The following BANP variants were observed in gnomAD, a reference collection of about 807,000 sequenced individuals.
The protein encoded by BANP is BTG3 associated nuclear protein.
A neutral mutation model predicts 68.1 loss-of-function variants in BANP; 11 were observed. That is an observed-to-expected ratio of 0.16 (90% CI 0.10 to 0.27). The LOEUF is 0.27. Ranked by LOEUF, BANP falls within the 10% of genes least tolerant of loss-of-function variation. The pLI, the probability that BANP is intolerant of heterozygous loss-of-function variation, is 1.00. For missense variants in BANP, 504 were observed against 722.7 expected, an observed-to-expected ratio of 0.70 and a Z score of 3.47; for synonymous variants, 329 against 303.2, an observed-to-expected ratio of 1.09 and a Z score of -0.88.
chr16:88,074,259 G>A (rs1026039489), intron 13 of BANP, among the ~76,000 whole-genome samples: 1 of 152,216 alleles, frequency 6.6e-6, no homozygotes, highest in Admixed American at 6.5e-5. Flanking sequence ...GCATGGGTCA[G>A]AGCAGGGTCA....
chr16:87,970,953 G>A (rs2060993000), intron 1 of BANP, among the ~76,000 whole-genome samples: 1 of 148,608 alleles, frequency 6.7e-6, no homozygotes, highest in East Asian at 2.0e-4. Context: ...GGAGGCGGAG[G>A]TTTCAGTGAG....
intron 6 of BANP, among the ~76,000 whole-genome samples, chr16:88,015,772 A>T (rs1410198376): frequency 6.6e-6 from 1 of 152,230 alleles, no homozygotes; most frequent in Non-Finnish European, 1.5e-5. Context: ...GTGCTCTTCT[A>T]GCGCCTCAGC....
At chr16:87,985,740 G>A (rs2064259922) in intron 4 of BANP, among the ~76,000 whole-genome samples, 3 of 152,202 alleles carry the variant, frequency 2.0e-5, no homozygotes, top group Admixed American at 2.0e-4. Context: ...TGACCGGGGG[G>A]CAGTCCCTGC....
rs112065283 is a variant in BANP, at chr16:88,038,590, G to A, written c.1311+579G>A. On this transcript the variant is annotated intron_variant, in intron 11 of 13. Transcript: ENST00000682872. ...GGTGGTTTCGCTCCTGTGTATTGCC[G>A]TCAAACTCACAAACTTGCCAGCTTT... is the stretch of plus-strand genomic sequence containing the variant. Among the ~76,000 whole-genome samples, 69 of 152,000 alleles carry A rather than the reference G, an allele frequency of 4.5e-4. 1 individual carries two copies. The highest frequency in any genetic ancestry group is 1.6e-3 in the African/African-American group (66 of 41,424).
intron 8 of BANP, among the ~76,000 whole-genome samples, chr16:88,030,237 A>C (rs922602869): frequency 6.6e-6 from 1 of 152,250 alleles, no homozygotes; most frequent in South Asian, 2.1e-4. Flanking sequence ...ATTGTGACCT[A>C]TGATCAGAAA....
In BANP at chr16:88,036,327, TG is replaced by T. The variant is rs2079348410; in HGVS notation, c.1272+934del. Among the ~76,000 whole-genome samples, 13 of 152,306 alleles carry T rather than the reference TG, an allele frequency of 8.5e-5. No individual in the cohort carries two copies. The South Asian group carries it at 2.7e-3, about 32-fold the overall frequency. ...AGCAGAGACTAGGAAGCCCGGGTGC[TG>T]AGGTCAAGGGGACTCATGGAGATGT... On this transcript the variant is annotated intron_variant, in intron 10 of 13. Coordinates refer to ENST00000682872, the MANE Select transcript of BANP (RefSeq NM_001386991.1). This position sits in a 1 kb window ranked among gnomAD's most constrained non-coding sequence, Gnocchi z 4.2.
chr16:88,027,678 C>T (rs771868240), intron 8 of BANP, 28 bp downstream of exon 8: 2 of 1,611,074 alleles, frequency 1.2e-6, no homozygotes, highest in Admixed American at 3.3e-5. Flanking sequence ...GGAGAGGCCG[C>T]CCTCCCCCGC....
At chr16:88,005,049 C>T (rs1403491231) in intron 5 of BANP, among the ~76,000 whole-genome samples, 1 of 152,180 alleles carries the variant, frequency 6.6e-6, no homozygotes. Flanking sequence ...GTTCTATTTG[C>T]TTTTTCTCTC....
chr16:88,071,533 C>T lies in BANP; in HGVS notation c.1378-536C>T. 1 of 456,610 alleles carries T rather than the reference C, an allele frequency of 2.2e-6. No individual in the cohort carries two copies. Among genetic ancestry groups the T allele is most frequent in the South Asian group, 1.5e-5 (1 of 64,568 alleles). 28.3% of individuals were successfully genotyped at this position (456,610 alleles called of 1,614,324 possible). ...TTCCGCCCATCTTGGAACTGGGCCT[C>T]ACTTTCCTGCGAGCTTCTGCTGGGT... On this transcript the variant is annotated intron_variant, in intron 12 of 13. Transcript: ENST00000682872. The surrounding 1 kb of genome is among the most constrained non-coding windows in gnomAD (Gnocchi z 6.5).
rs74992447 is a variant in BANP, at chr16:88,033,111, C to T, written c.1066C>T (p.Pro356Ser). 185,466 of 1,600,436 alleles carry T rather than the reference C, an allele frequency of 0.12. 14,374 individuals carry two copies. The highest frequency in any genetic ancestry group is 0.36 in the South Asian group (32,463 of 89,944). ...PNSSSYCPSE[P>S]MMSTPPPASE... Reference sequence around the variant, plus strand: ...GTTCACACCTGTTGCCCCCACAGAGCCGATGATGAGCACCCCACCTCCTGC... The same window carrying T: ...GTTCACACCTGTTGCCCCCACAGAGTCGATGATGAGCACCCCACCTCCTGC... The change falls in exon 9 of 14, where the codon CCG (proline) becomes TCG (serine). Residue 356 changes from proline (P) to serine (S), a missense_variant and splice_region_variant. Pro to Ser is a moderately conservative substitution (Grantham distance 74). Coordinates refer to ENST00000682872, the MANE Select transcript of BANP (RefSeq NM_001386991.1).
At chr16:88,040,872 C>T (rs1247383262) in intron 11 of BANP, among the ~76,000 whole-genome samples, 2 of 152,234 alleles carry the variant, frequency 1.3e-5, no homozygotes, top group African/African-American at 4.8e-5. Context: ...TTTTAAGTTC[C>T]TAGATCACTG....
intron 1 of BANP, among the ~76,000 whole-genome samples, chr16:87,969,829 CCTGA>C (rs762256495): frequency 1.8e-4 from 28 of 152,098 alleles, no homozygotes; most frequent in Admixed American, 1.2e-3. Context: ...CCACGCCTGG[CCTGA>C]CTATCTTTAC....
rs1279475664 is a variant in BANP at position 87,952,316 on chromosome 16, G to C, written c.-69+801G>C. On this transcript the variant is annotated intron_variant, in intron 1 of 13. Coordinates refer to ENST00000682872, the MANE Select transcript of BANP (RefSeq NM_001386991.1). ...ATTGGAGAAATACATCATCCCTGAA[G>C]AACTGTGAGCAAGTGGAGCGAGTGT... is the stretch of plus-strand genomic sequence containing the variant. The C allele has an allele frequency of 2.0e-5, 3 of 152,256 alleles. No individual in the cohort carries two copies. The South Asian group carries it at 6.2e-4, about 32-fold the overall frequency. The allele number at this position is 152,256 out of a possible 1,614,324, so 9.4% of individuals were successfully genotyped here. A position where few individuals can be genotyped will look rare whatever the true frequency, so the allele number is the denominator to read the frequency against.
Position 88,052,433 on chromosome 16 carries a change from T to TGAAGACAGTAGACAGGAGCTTTTCTA in BANP, c.1312-12832_1312-12807dup, listed in dbSNP as rs552645241. ...TTGAGTGCTATTCTCATTTTGGAGA[T>TGAAGACAGTAGACAGGAGCTTTTCTA]GAAGACAGTAGACAGGAGCTTTTCT... On this transcript the variant is annotated intron_variant, in intron 11 of 13. Transcript: ENST00000682872. 6.0e-3 allele frequency among the ~76,000 whole-genome samples: 907 copies of TGAAGACAGTAGACAGGAGCTTTTCTA among 152,172 alleles called. 7 individuals carry two copies. The highest frequency in any genetic ancestry group is 0.027 in the Middle Eastern group (8 of 294).
rs1040740395 is a variant in BANP, at chr16:88,018,262, G to A, written c.656-166G>A. 2.6e-5 allele frequency among the ~76,000 whole-genome samples: 4 copies of A among 152,150 alleles called. No individual in the cohort carries two copies. Among genetic ancestry groups the A allele is most frequent in the African/African-American group, 9.7e-5 (4 of 41,428 alleles). On this transcript the variant is annotated intron_variant, in intron 6 of 13. Transcript: ENST00000682872. The surrounding 1 kb of genome is among the most constrained non-coding windows in gnomAD (Gnocchi z 7.7). ...CGCGTCAGTTCTTTCTTGGGCAGCA[G>A]TCGGAGGCTCCAGCGCTCTTGGTGA...
At chr16:88,049,800 G>A (rs1376418256) in intron 11 of BANP, among the ~76,000 whole-genome samples, 1 of 152,162 alleles carries the variant, frequency 6.6e-6, no homozygotes, top group East Asian at 1.9e-4. Flanking sequence ...TCAGTGACAC[G>A]ACGCCCCAGC....
intron 12 of BANP, 56 bp from the exon 13 acceptor site, chr16:88,072,013 G>T: frequency 6.5e-7 from 1 of 1,538,610 alleles, no homozygotes; most frequent in Non-Finnish European, 8.7e-7. Flanking sequence ...CATGTGGGTT[G>T]TGGGTTGTGG....
intron 5 of BANP, 63 bp from the exon 6 acceptor site, chr16:88,006,027 G>C (rs1270906878): frequency 6.2e-7 from 1 of 1,608,080 alleles, no homozygotes; most frequent in African/African-American, 1.3e-5. Context: ...GGAAAGCGCT[G>C]ACCTTCGCGT....
chr16:88,007,356 G>C (rs1306279649), intron 6 of BANP, among the ~76,000 whole-genome samples: 1 of 152,152 alleles, frequency 6.6e-6, no homozygotes, highest in Non-Finnish European at 1.5e-5. Context: ...TTTCCCCCGA[G>C]ATCTGGAAGG....
Sources: allele counts gnomAD v4.1 joint callset (sites outside exome capture counted in the v4.1 genomes callset), GRCh38; gene constraint gnomAD v4.1.1; non-coding constraint Gnocchi (gnomAD v3.1); transcripts MANE v1.5; gene names NCBI Gene and HGNC (gene_info 2026-07-23, HGNC 2026-07-21).